PRKCA: variants seen among roughly 807,000 people sequenced by gnomAD.
PRKCA encodes protein kinase C alpha type.
Under a neutral mutation model 87.0 loss-of-function variants are expected in PRKCA, and 27 were observed. The observed-to-expected ratio is 0.31, with a 90% confidence interval of 0.23 to 0.43. The LOEUF is 0.43. Ranked by LOEUF, PRKCA falls within the 20% of genes least tolerant of loss-of-function variation. The pLI is 1.00. For synonymous variants in PRKCA, 329 were observed against 311.1 expected, an observed-to-expected ratio of 1.06 and a Z score of -0.61; for missense variants, 518 against 852.3, an observed-to-expected ratio of 0.61 and a Z score of 4.88.
At chr17:66,387,778 G>C (rs1317525483) in intron 2 of PRKCA, among the ~76,000 whole-genome samples, 2 of 152,226 alleles carry the variant, frequency 1.3e-5, no homozygotes, top group African/African-American at 4.8e-5. Flanking sequence ...AGGAGCCGCA[G>C]GGGTAGGGCA....
intron 2 of PRKCA, among the ~76,000 whole-genome samples, chr17:66,421,912 G>T (rs1034204337): frequency 6.6e-6 from 1 of 152,026 alleles, no homozygotes; most frequent in Non-Finnish European, 1.5e-5. Flanking sequence ...CTGTGACAGA[G>T]TACCACAGAC....
chr17:66,389,687 C>T (rs1036417286), intron 2 of PRKCA, among the ~76,000 whole-genome samples: 10 of 152,160 alleles, frequency 6.6e-5, no homozygotes, highest in Non-Finnish European at 1.3e-4. Context: ...TTGAAACATG[C>T]GACTGGTTCT....
intron 11 of PRKCA, among the ~76,000 whole-genome samples, chr17:66,739,457 C>A (rs1380767234): frequency 6.6e-6 from 1 of 152,204 alleles, no homozygotes. Flanking sequence ...CTGCACCAGG[C>A]ACTGGGGTTG....
At chr17:66,620,166 C>T (rs983412258) in intron 3 of PRKCA, among the ~76,000 whole-genome samples, 13 of 152,142 alleles carry the variant, frequency 8.5e-5, no homozygotes, top group Non-Finnish European at 1.6e-4. Context: ...TTATCCATGC[C>T]GCTTCTTTCT....
At chr17:66,542,038 G>T (rs1323953109) in intron 3 of PRKCA, among the ~76,000 whole-genome samples, 4 of 152,196 alleles carry the variant, frequency 2.6e-5, no homozygotes, top group Non-Finnish European at 5.9e-5. Flanking sequence ...TGAAGCTCGT[G>T]TTGCGGTTAT....
intron 3 of PRKCA, among the ~76,000 whole-genome samples, chr17:66,538,361 G>A (rs1390923349): frequency 6.6e-6 from 1 of 152,176 alleles, no homozygotes; most frequent in Non-Finnish European, 1.5e-5. Flanking sequence ...GCTCTCGGGA[G>A]ACATCCCTCT....
chr17:66,317,081 G>A (rs1202190484), intron 2 of PRKCA, among the ~76,000 whole-genome samples: 1 of 151,554 alleles, frequency 6.6e-6, no homozygotes, highest in Non-Finnish European at 1.5e-5. Flanking sequence ...AGCGGAGCTT[G>A]TAGTGAGCGG....
chr17:66,769,940 C>T (rs1249432319), intron 13 of PRKCA, among the ~76,000 whole-genome samples: 1 of 152,202 alleles, frequency 6.6e-6, no homozygotes, highest in Non-Finnish European at 1.5e-5. Context: ...TGATGTTTGC[C>T]TACTACCCTA....
chr17:66,713,457 C>T (rs73997143), intron 8 of PRKCA, among the ~76,000 whole-genome samples: 5,592 of 152,250 alleles, frequency 0.037, 335 homozygotes, highest in African/African-American at 0.13. Flanking sequence ...CCCCACCCTA[C>T]TCCCACCTGC....
At chr17:66,580,331 A>T (rs1255063046) in intron 3 of PRKCA, among the ~76,000 whole-genome samples, 2 of 152,148 alleles carry the variant, frequency 1.3e-5, no homozygotes, top group East Asian at 3.9e-4. Flanking sequence ...TCTGTGCACG[A>T]CCTGCTGGTG....
intron 16 of PRKCA, among the ~76,000 whole-genome samples, chr17:66,801,017 TGATGAA>T (rs1975887451): frequency 6.6e-6 from 1 of 152,088 alleles, no homozygotes; most frequent in Non-Finnish European, 1.5e-5. Flanking sequence ...CAATAAGCAT[TGATGAA>T]TCAGGTTCCA....
chr17:66,731,667 C>T (rs918378426), intron 8 of PRKCA, among the ~76,000 whole-genome samples: 1 of 151,700 alleles, frequency 6.6e-6, no homozygotes, highest in East Asian at 1.9e-4. Flanking sequence ...TGGTGAGAGT[C>T]GTGAGGGCAG....
chr17:66,726,896 G>A (rs67379314), intron 8 of PRKCA, among the ~76,000 whole-genome samples: 21,675 of 152,040 alleles, frequency 0.14, 1,968 homozygotes, highest in South Asian at 0.27. Context: ...GCTAATTTTT[G>A]TATTTTTTGG....
intron 2 of PRKCA, among the ~76,000 whole-genome samples, chr17:66,465,940 T>A (rs1183053114): frequency 6.6e-6 from 1 of 152,164 alleles, no homozygotes; most frequent in African/African-American, 2.4e-5. Context: ...TTCACATGGA[T>A]AACTCAGTTT....
At position 66,496,275 on chromosome 17, in the gene PRKCA, G is replaced by T; in HGVS notation, c.280G>T (p.Asp94Tyr). The T allele has an allele frequency of 6.2e-7, 1 of 1,612,738 alleles. No homozygotes were observed. Among genetic ancestry groups the T allele is most frequent in the Non-Finnish European group, 8.5e-7 (1 of 1,178,766 alleles). The change falls in exon 3 of 17, where the codon GAC (aspartate) becomes TAC (tyrosine). Residue 94 changes from aspartate to tyrosine, a missense_variant. By Grantham distance (160) the Asp-to-Tyr change is radical (BLOSUM62 -3). Coordinates refer to ENST00000413366, the MANE Select transcript of PRKCA (RefSeq NM_002737.3). ...FSCPGADKGP[D>Y]TDDPRSKHKF... Reference sequence around the variant, plus strand: ...TTGTCCGGGTGCGGATAAGGGACCCGACACTGATGTAAGTAGTCCTGAAAT... The same window carrying T: ...TTGTCCGGGTGCGGATAAGGGACCCTACACTGATGTAAGTAGTCCTGAAAT...
At chr17:66,729,919 T>C (rs1040021429) in intron 8 of PRKCA, among the ~76,000 whole-genome samples, 1 of 151,322 alleles carries the variant, frequency 6.6e-6, no homozygotes, top group Non-Finnish European at 1.5e-5. Flanking sequence ...GCCTCCTGAG[T>C]AGCTGGGATT....
intron 3 of PRKCA, among the ~76,000 whole-genome samples, chr17:66,520,180 G>A (rs1048400654): frequency 8.7e-5 from 13 of 148,880 alleles, no homozygotes; most frequent in African/African-American, 3.2e-4. Flanking sequence ...AGGCTGGAGT[G>A]CAATAGTGTG....
intron 2 of PRKCA, among the ~76,000 whole-genome samples, chr17:66,444,835 G>T (rs563589886): frequency 6.6e-6 from 1 of 152,272 alleles, no homozygotes; most frequent in African/African-American, 2.4e-5. Context: ...GCTTCTAAGA[G>T]CAAAATATAA....
chr17:66,395,671 G>A (rs1280076967), intron 2 of PRKCA, among the ~76,000 whole-genome samples: 1 of 152,204 alleles, frequency 6.6e-6, no homozygotes, highest in Non-Finnish European at 1.5e-5. Flanking sequence ...TGCTGCTAAT[G>A]TGCTCATACA....
Sources: gnomAD v4.1 joint callset for allele counts (sites outside exome capture counted in the v4.1 genomes callset) on GRCh38, gnomAD v4.1.1 for gene constraint, MANE v1.5 for transcripts, NCBI Gene and HGNC (gene_info 2026-07-23, HGNC 2026-07-21) for gene names.